The following DGKB variants were observed in gnomAD, a reference collection of about 807,000 sequenced individuals.
The protein encoded by DGKB is diacylglycerol kinase beta.
Under a neutral mutation model 114.3 loss-of-function variants are expected in DGKB, and 67 were observed. The ratio of observed to expected loss-of-function variants is 0.59; its 90% CI spans 0.48 to 0.72. The LOEUF is 0.72. Among genes scored for constraint, DGKB ranks in the 30% least tolerant of loss-of-function variants. The pLI is 0.00. For synonymous variants in DGKB, 398 were observed against 323.1 expected (o/e 1.23, Z -2.49); for missense variants, 907 against 975.2 (o/e 0.93, Z 0.93).
At chr7:14,170,095 T>C (rs1447797850) in intron 25 of DGKB, among the ~76,000 whole-genome samples, 4 of 142,042 alleles carry the variant, frequency 2.8e-5, no homozygotes, top group Admixed American at 7.5e-5. Flanking sequence ...GATCACACCA[T>C]TGCACTCCAG....
chr7:14,408,147 C>A (rs988679257), intron 21 of DGKB, among the ~76,000 whole-genome samples: 1 of 152,082 alleles, frequency 6.6e-6, no homozygotes, highest in South Asian at 2.1e-4. Context: ...GTAGGCACAT[C>A]CCTCTTTCAC....
chr7:14,340,531 CT>C (rs1811442794), intron 22 of DGKB, among the ~76,000 whole-genome samples: 1 of 151,482 alleles, frequency 6.6e-6, no homozygotes, highest in South Asian at 2.1e-4. Flanking sequence ...ACAAAGAAGT[CT>C]TCATTCCTTA....
intron 4 of DGKB, among the ~76,000 whole-genome samples, chr7:14,752,153 C>G (rs1723234): frequency 0.36 from 54,153 of 151,952 alleles, 13,355 homozygotes; most frequent in African/African-American, 0.69. Flanking sequence ...CTTTCCTTAT[C>G]CTTTCCATAA....
At chr7:14,225,735 A>G (rs969546313) in intron 23 of DGKB, among the ~76,000 whole-genome samples, 1 of 151,882 alleles carries the variant, frequency 6.6e-6, no homozygotes, top group Non-Finnish European at 1.5e-5. Flanking sequence ...TTTAAAAAAA[A>G]TAACAATTAG....
intron 2 of DGKB, chr7:14,814,245 G>T (rs1201457036): frequency 1.3e-5 from 2 of 152,124 alleles, no homozygotes; most frequent in Admixed American, 6.5e-5. Flanking sequence ...CACAAGAAAA[G>T]TTGGCTCTTT....
chr7:14,560,727 T>C (rs1307964344), intron 20 of DGKB, among the ~76,000 whole-genome samples: 1 of 152,132 alleles, frequency 6.6e-6, no homozygotes, highest in East Asian at 1.9e-4. Flanking sequence ...TAGTCAGGAG[T>C]GGAATTGCTG....
At chr7:14,903,171 CTTGAT>C (rs1376434329), upstream of DGKB, 1 of 151,546 alleles carries the variant, frequency 6.6e-6, no homozygotes, top group African/African-American at 2.5e-5. Flanking sequence ...TCTCTTAGTC[CTTGAT>C]TTATGTCAAG....
chr7:14,772,997 A>T (rs1368079567), intron 2 of DGKB, among the ~76,000 whole-genome samples: 2 of 152,196 alleles, frequency 1.3e-5, no homozygotes, highest in Non-Finnish European at 2.9e-5. Flanking sequence ...AAAGAAACAA[A>T]ACATGCCTTG....
chr7:14,763,198 T>C (rs1835956130), intron 2 of DGKB, among the ~76,000 whole-genome samples: 1 of 152,002 alleles, frequency 6.6e-6, no homozygotes, highest in Non-Finnish European at 1.5e-5. Context: ...TTGAGTGAAG[T>C]TCAACATAAT....
At chr7:14,260,113 C>CATGA (rs1403270756) in intron 23 of DGKB, among the ~76,000 whole-genome samples, 521 of 5,284 alleles carry the variant, frequency 0.099, 5 homozygotes, top group African/African-American at 0.18. Flanking sequence ...CACATGAACA[C>CATGA]ACACACACAC....
chr7:14,694,869 G>A (rs1823536455), intron 8 of DGKB, among the ~76,000 whole-genome samples: 1 of 152,116 alleles, frequency 6.6e-6, no homozygotes, highest in South Asian at 2.1e-4. Flanking sequence ...GAGTCATATA[G>A]TGTTGTTTGT....
At chr7:14,584,345 G>A (rs79171459) in intron 17 of DGKB, among the ~76,000 whole-genome samples, 4,992 of 152,124 alleles carry the variant, frequency 0.033, 262 homozygotes, top group African/African-American at 0.11. Flanking sequence ...GTAAATGTGC[G>A]CATGTGTTTT....
chr7:14,698,132 GC>G lies in DGKB; in HGVS notation c.553del (p.Ala185GlnfsTer18). 1 of 1,538,992 alleles carries G rather than the reference GC, an allele frequency of 6.5e-7. No homozygotes were observed. The highest frequency in any genetic ancestry group is 8.7e-7 in the Non-Finnish European group (1 of 1,146,976). ...ENIISQMMHVAEYLEWDVTEL... is the reference protein window; with the variant it reads ...ENIISQMMHVXEYLEWDVTEL... ...AGTGACATCCCACTCAAGGTATTCT[GC>G]AACATGCATCATCTGACTGATGATA... On this transcript the variant is annotated frameshift_variant, in exon 8 of 26. Coordinates refer to ENST00000402815, the MANE Select transcript of DGKB (RefSeq NM_001350709.2). LOFTEE classifies it high-confidence loss of function.
intron 21 of DGKB, among the ~76,000 whole-genome samples, chr7:14,405,964 T>A (rs1823868589): frequency 6.6e-6 from 1 of 151,996 alleles, no homozygotes; most frequent in Non-Finnish European, 1.5e-5. Flanking sequence ...GAGTTGCTAC[T>A]ATCTTTAGCT....
chr7:14,228,884 C>CTGTGTGTGTG (rs71548072), intron 23 of DGKB, among the ~76,000 whole-genome samples: 9,850 of 148,602 alleles, frequency 0.066, 877 homozygotes, highest in African/African-American at 0.21. Flanking sequence ...AGTTTTTTTT[C>CTGTGTGTGTG]TGTGTGTGTG....
At chr7:14,596,582 G>C (rs1277890706) in intron 17 of DGKB, among the ~76,000 whole-genome samples, 1 of 152,126 alleles carries the variant, frequency 6.6e-6, no homozygotes, top group Non-Finnish European at 1.5e-5. Context: ...ATAAGTCTCA[G>C]GGTTCAATCA....
intron 23 of DGKB, among the ~76,000 whole-genome samples, chr7:14,185,389 A>G (rs1007915984): frequency 6.6e-6 from 1 of 152,228 alleles, no homozygotes; most frequent in Non-Finnish European, 1.5e-5. Context: ...ATGGAAACAC[A>G]TTCCATGCTC....
chr7:14,689,866 A>C (rs765060532), intron 9 of DGKB, among the ~76,000 whole-genome samples: 3 of 152,220 alleles, frequency 2.0e-5, no homozygotes, highest in Non-Finnish European at 4.4e-5. Context: ...ATCAGAGAAC[A>C]CACTGCATAT....
intron 4 of DGKB, among the ~76,000 whole-genome samples, chr7:14,745,120 G>A (rs146072966): frequency 3.7e-4 from 57 of 152,242 alleles, no homozygotes; most frequent in African/African-American, 1.3e-3. Flanking sequence ...AGTTATCTGG[G>A]CATGCTGACA....
Sources: gnomAD v4.1 joint callset for allele counts (sites outside exome capture counted in the v4.1 genomes callset) on GRCh38, gnomAD v4.1.1 for gene constraint, MANE v1.5 for transcripts, NCBI Gene and HGNC (gene_info 2026-07-23, HGNC 2026-07-21) for gene names.